Variants in BSX observed in about 807,000 individuals in gnomAD.
BSX encodes brain-specific homeobox protein homolog.
A neutral mutation model predicts 16.9 loss-of-function variants in BSX; 12 were observed. The ratio of observed to expected loss-of-function variants is 0.71; its 90% CI spans 0.46 to 1.15. The LOEUF is 1.15. BSX is among the 50% of genes most tolerant of loss of function. The pLI, the probability that BSX is intolerant of heterozygous loss-of-function variation, is 0.00. For synonymous variants in BSX, 160 were observed against 136.4 expected, an observed-to-expected ratio of 1.17 and a Z score of -1.20; for missense variants, 292 against 311.8, an observed-to-expected ratio of 0.94 and a Z score of 0.48.
At chr11:122,980,848 C>G (rs892661442) in intron 1 of BSX, among the ~76,000 whole-genome samples, 1 of 152,122 alleles carries the variant, frequency 6.6e-6, no homozygotes. Flanking sequence ...GCTGCATCTC[C>G]CCCTACCCCC....
At position 122,979,387 on chromosome 11, in the gene BSX, G is replaced by C; in HGVS notation, c.333C>G (p.Arg111=). ...AELPGKHCRR[R]KARTVFSDSQ... is the part of the protein sequence containing the mutation. ...AGTCAGAGAAAACCGTGCGGGCTTT[G>C]CGGCGGCGGCAGTGCTTCCCCGGCA... Residue 111 remains arginine, a synonymous_variant, in exon 2 of 3, where the codon CGC becomes CGG. Transcript: ENST00000343035. The C allele has an allele frequency of 1.2e-6, 2 of 1,614,056 alleles. No homozygotes were observed. The highest frequency in any genetic ancestry group is 8.5e-7 in the Non-Finnish European group (1 of 1,179,982).
rs757696897 is a variant in BSX, at chr11:122,977,899, C to A, written c.460-8G>T. On this transcript the variant is annotated splice_polypyrimidine_tract_variant and splice_region_variant and intron_variant, in intron 2 of 2. Transcript: ENST00000343035. The surrounding 1 kb of genome is among the most constrained non-coding windows in gnomAD (Gnocchi z 4.5). ...CTGGAACCACGTTTTCACCTGATTT[C>A]GGGGAGATAAAAATAAAATCATGTC... 1.9e-6 allele frequency: 3 copies of A among 1,612,998 alleles called. No individual in the cohort carries two copies. Among genetic ancestry groups the A allele is most frequent in the East Asian group, 4.5e-5 (2 of 44,882 alleles).
chr11:122,979,175 G>T (rs1864537629), intron 2 of BSX, 86 bp downstream of exon 2: 5 of 1,272,834 alleles, frequency 3.9e-6, no homozygotes, highest in African/African-American at 1.5e-5. Flanking sequence ...ATTTCTACTC[G>T]AACTCCACAA....
Position 122,979,413 on chromosome 11 carries a change from G to A in BSX, c.307C>T (p.Leu103=). ...CGGCGGCGGCAGTGCTTCCCCGGCA[G>A]CTCCGCGTGCTGCGGGTGCGGGAAC... ...ALFPHPQHAE[L]PGKHCRRRKA... The change falls in exon 2 of 3, where the codon CTG becomes TTG. Residue 103 remains leucine, a synonymous_variant. Coordinates refer to ENST00000343035, the MANE Select transcript of BSX (RefSeq NM_001098169.2). 2 of 1,613,608 alleles carry A rather than the reference G, an allele frequency of 1.2e-6. No individual in the cohort carries two copies. The highest frequency in any genetic ancestry group is 1.7e-6 in the Non-Finnish European group (2 of 1,179,906).
intron 1 of BSX, among the ~76,000 whole-genome samples, chr11:122,980,607 G>GA (rs1326350251): frequency 1.3e-5 from 2 of 152,142 alleles, no homozygotes; most frequent in Non-Finnish European, 2.9e-5. Flanking sequence ...AAACGCCAGA[G>GA]AAAAAACCAT....
chr11:122,979,513 C>A lies in BSX; in HGVS notation c.263-56G>T, dbSNP rs1864542376. The A allele has an allele frequency of 2.7e-5, 40 of 1,485,792 alleles. No homozygotes were observed. In the South Asian group the frequency reaches 4.8e-4, roughly 18 times the overall value. 92.0% of individuals were successfully genotyped at this position (1,485,792 alleles called of 1,614,324 possible). The stretch of plus-strand genomic sequence containing the variant: ...AGCGTGGGTCGCCGGAGAGCAATCT[C>A]CGCTCCGCTCCCCTCCCCTCCCCTA... On this transcript the variant is annotated intron_variant, in intron 1 of 2. Transcript: ENST00000343035.
At chr11:122,978,607 C>T (rs1191224672) in intron 2 of BSX, among the ~76,000 whole-genome samples, 1 of 151,946 alleles carries the variant, frequency 6.6e-6, no homozygotes. Flanking sequence ...TTACCTCTGA[C>T]CCGGGTTCCC....
At chr11:122,979,825 G>GT (rs934398302) in intron 1 of BSX, among the ~76,000 whole-genome samples, 2 of 152,144 alleles carry the variant, frequency 1.3e-5, no homozygotes, top group African/African-American at 4.8e-5. Flanking sequence ...GCCTGGCCAA[G>GT]TTTTTTGCAA....
At chr11:122,979,957 T>C (rs1335818943) in intron 1 of BSX, among the ~76,000 whole-genome samples, 2 of 151,998 alleles carry the variant, frequency 1.3e-5, no homozygotes, top group South Asian at 4.1e-4. Flanking sequence ...CTCCAAACCT[T>C]ACTGAAAAAT....
At chr11:122,979,855 C>T (rs1864547496) in intron 1 of BSX, among the ~76,000 whole-genome samples, 1 of 152,144 alleles carries the variant, frequency 6.6e-6, no homozygotes, top group African/African-American at 2.4e-5. Flanking sequence ...GGCCCAGGAG[C>T]AGTCCTGTCC....
chr11:122,978,972 G>C (rs928773490), intron 2 of BSX, among the ~76,000 whole-genome samples: 1 of 151,402 alleles, frequency 6.6e-6, no homozygotes, highest in Non-Finnish European at 1.5e-5. Flanking sequence ...CGCCTGACTA[G>C]TTTTTGTGTA....
chr11:122,979,041 T>A (rs1183650572), intron 2 of BSX, among the ~76,000 whole-genome samples: 1 of 152,088 alleles, frequency 6.6e-6, no homozygotes, highest in Non-Finnish European at 1.5e-5. Flanking sequence ...CCTGACCTCG[T>A]GATCCGCCCG....
chr11:122,981,713 G>T lies in BSX; in HGVS notation c.-42C>A, dbSNP rs1240400555. Reference sequence around the variant, plus strand: ...GCCACAGGACAAGGGCCGGGACGAAGTGGAGGACGCAGGCAGAGTCTCCAA... The same window carrying T: ...GCCACAGGACAAGGGCCGGGACGAATTGGAGGACGCAGGCAGAGTCTCCAA... On this transcript the variant is annotated 5_prime_UTR_variant, in exon 1 of 3. Transcript: ENST00000343035. 1.9e-6 allele frequency: 3 copies of T among 1,538,820 alleles called. No homozygotes were observed. The Admixed American group carries it at 5.7e-5, about 29-fold the overall frequency.
chr11:122,980,128 T>C (rs1591411694), intron 1 of BSX, among the ~76,000 whole-genome samples: 1 of 152,154 alleles, frequency 6.6e-6, no homozygotes. Flanking sequence ...CTACCTAATA[T>C]AGTCCTCATT....
At position 122,981,515 on chromosome 11, in the gene BSX, C is replaced by A; in HGVS notation, c.157G>T (p.Asp53Tyr). The stretch of plus-strand genomic sequence containing the variant: ...GTGGGCATGAGGGGGTAGCCATAGT[C>A]TAGCAGAGGCACCCGAGAGGCCAGA... ...SSLASRVPLL[D>Y]YGYPLMPTPT... Residue 53 changes from aspartate to tyrosine, a missense_variant, in exon 1 of 3, where the codon GAC becomes TAC. Around this residue, in one of 3 missense-constraint regions of BSX, gnomAD observed 176 missense variants for 187.2 expected, o/e 0.94. Transcript: ENST00000343035. 6.3e-7 allele frequency: 1 copy of A among 1,594,506 alleles called. No individual in the cohort carries two copies. Among genetic ancestry groups the A allele is most frequent in the Admixed American group, 1.8e-5 (1 of 56,928 alleles).
chr11:122,977,926 T>C lies in BSX; in HGVS notation c.460-35A>G, dbSNP rs755035419. 1.2e-6 allele frequency: 2 copies of C among 1,609,274 alleles called. No homozygotes were observed. The highest frequency in any genetic ancestry group is 3.3e-5 in the Admixed American group (2 of 59,912). Reference sequence around the variant, plus strand: ...GGGAGATAAAAATAAAATCATGTCATTCCTCCAAATCTGAGCCATCGCTGG... The same window carrying C: ...GGGAGATAAAAATAAAATCATGTCACTCCTCCAAATCTGAGCCATCGCTGG... On this transcript the variant is annotated intron_variant, in intron 2 of 2. Transcript: ENST00000343035. This position sits in a 1 kb window ranked among gnomAD's most constrained non-coding sequence, Gnocchi z 4.5.
rs748489463 is a variant in BSX, at chr11:122,977,646, G to A, written c.*3C>T. ...TGCCTACTACCCTCCCCAGCCTGGC[G>A]GCTCAGAGCACGTGCGGCCCTGAGC... On this transcript the variant is annotated 3_prime_UTR_variant, in exon 3 of 3. Coordinates refer to ENST00000343035, the MANE Select transcript of BSX (RefSeq NM_001098169.2). This position sits in a 1 kb window ranked among gnomAD's most constrained non-coding sequence, Gnocchi z 4.5. 1.9e-6 allele frequency: 3 copies of A among 1,606,440 alleles called. No individual in the cohort carries two copies. The highest frequency in any genetic ancestry group is 2.5e-6 in the Non-Finnish European group (3 of 1,179,558).
intron 2 of BSX, among the ~76,000 whole-genome samples, chr11:122,978,275 C>A (rs575890564): frequency 6.6e-6 from 1 of 152,262 alleles, no homozygotes; most frequent in African/African-American, 2.4e-5. Context: ...GCGTTCTCAT[C>A]GGAGAGAAAA....
Position 122,977,997 on chromosome 11 carries a change from C to CAGTTGA in BSX, c.460-107_460-106insTCAACT. 1 of 1,359,686 alleles carries CAGTTGA rather than the reference C, an allele frequency of 7.4e-7. No individual in the cohort carries two copies. The highest frequency in any genetic ancestry group is 1.0e-6 in the Non-Finnish European group (1 of 972,514). 84.2% of individuals were successfully genotyped at this position (1,359,686 alleles called of 1,614,324 possible). ...AGTCCGTTGATGAAGTATCCAAGAG[C>CAGTTGA]GGTGATAGCCTCAACTGCTCATAAG... On this transcript the variant is annotated intron_variant, in intron 2 of 2. Transcript: ENST00000343035. This position sits in a 1 kb window ranked among gnomAD's most constrained non-coding sequence, Gnocchi z 4.5.
Sources: allele counts gnomAD v4.1 joint callset (sites outside exome capture counted in the v4.1 genomes callset), GRCh38; gene constraint gnomAD v4.1.1; regional missense constraint gnomAD v4.1.1; non-coding constraint Gnocchi (gnomAD v3.1); transcripts MANE v1.5; gene names NCBI Gene and HGNC (gene_info 2026-07-23, HGNC 2026-07-21).